The following KIAA1671 variants were observed in gnomAD, a reference collection of about 807,000 sequenced individuals.
KIAA1671 encodes KIAA1671.
In KIAA1671, 52 loss-of-function variants were observed where a neutral mutation model predicts 131.2. The observed-to-expected ratio is 0.40, with a 90% CI of 0.32 to 0.50. The LOEUF is 0.50. Ranked by LOEUF, KIAA1671 falls within the 20% of genes least tolerant of loss-of-function variation. KIAA1671 has a pLI of 0.73. For missense variants in KIAA1671, 2,360 were observed against 2,364.2 expected, an observed-to-expected ratio of 1.00 and a Z score of 0.04; for synonymous variants, 1,003 against 961.6, an observed-to-expected ratio of 1.04 and a Z score of -0.80.
chr22:25,165,862 G>A (rs1218735727), intron 6 of KIAA1671, among the ~76,000 whole-genome samples: 2 of 152,096 alleles, frequency 1.3e-5, no homozygotes, highest in Non-Finnish European at 2.9e-5. Flanking sequence ...TGGGGCTGGA[G>A]GAGCCAGTGG....
intron 6 of KIAA1671, among the ~76,000 whole-genome samples, chr22:25,115,388 G>A (rs938851219): frequency 2.0e-5 from 3 of 152,190 alleles, no homozygotes; most frequent in African/African-American, 7.2e-5. Flanking sequence ...TTAGGCCTGA[G>A]TCTCAACTCA....
Position 25,040,858 on chromosome 22 carries a change from T to A in KIAA1671, c.3728T>A (p.Val1243Glu). ...GAGAGGCCTGTTCAGCTGGGCGGGG[T>A]GGAGCAGAGAAGGAGGAGCCTGAAG... ...PRERPVQLGG[V>E]EQRRRSLKEM... is the part of the protein sequence containing the mutation. Residue 1243 changes from valine to glutamate, a missense_variant, in exon 5 of 13, where the codon GTG (valine) becomes GAG (glutamate). Coordinates refer to ENST00000358431, the MANE Select transcript of KIAA1671 (RefSeq NM_001145206.2). 5 of 1,546,726 alleles carry A rather than the reference T, an allele frequency of 3.2e-6. No individual in the cohort carries two copies. The highest frequency in any genetic ancestry group is 4.4e-6 in the Non-Finnish European group (5 of 1,144,398).
At position 25,039,519 on chromosome 22, in the gene KIAA1671, A is replaced by C. The variant is rs1602089484; in HGVS notation, c.2389A>C (p.Ser797Arg). The change falls in exon 5 of 13, where the codon AGT becomes CGT. Residue 797 changes from serine (S) to arginine (R), a missense_variant. Around this residue, in one of 3 missense-constraint regions of KIAA1671, gnomAD observed 1,185 missense variants for 1,126.2 expected, o/e 1.05. Transcript: ENST00000358431. ...EGQAGSVQRA[S>R]LIWEARGMPE... is the part of the protein sequence containing the mutation. The stretch of plus-strand genomic sequence containing the variant: ...TCAGGCGGGGTCCGTCCAAAGGGCC[A>C]GTTTGATTTGGGAAGCTCGAGGCAT... 5 of 1,551,828 alleles carry C rather than the reference A, an allele frequency of 3.2e-6. 1 individual carries two copies. In the Admixed American group the frequency reaches 9.8e-5, roughly 30 times the overall value.
intron 1 of KIAA1671, among the ~76,000 whole-genome samples, chr22:24,983,347 G>T (rs943555130): frequency 1.2e-4 from 18 of 152,070 alleles, no homozygotes; most frequent in African/African-American, 4.3e-4. Flanking sequence ...AGTGGCTTCC[G>T]GCAATTGTTG....
intron 1 of KIAA1671, among the ~76,000 whole-genome samples, chr22:24,989,800 T>C (rs993413410): frequency 6.6e-6 from 1 of 151,998 alleles, no homozygotes; most frequent in African/African-American, 2.4e-5. Context: ...GCCGGGAGGG[T>C]GTGCGGGGTG....
rs1924169996 is a variant in KIAA1671 at position 24,996,907 on chromosome 22, C to T, written c.-207-28726C>T. On this transcript the variant is annotated intron_variant, in intron 1 of 12. Coordinates refer to ENST00000358431, the MANE Select transcript of KIAA1671 (RefSeq NM_001145206.2). ...TTTGGGGGAGGGGCAGATCCAACAG[C>T]ATCTCCCATAGGTTGCAGTGCTAGA... Among the ~76,000 whole-genome samples the T allele has an allele frequency of 3.3e-5, 5 of 152,136 alleles. No homozygotes were observed. In the South Asian group the frequency reaches 8.3e-4, roughly 25 times the overall value.
intron 4 of KIAA1671, among the ~76,000 whole-genome samples, chr22:25,036,522 A>G (rs1357349435): frequency 6.6e-6 from 1 of 152,208 alleles, no homozygotes; most frequent in African/African-American, 2.4e-5. Flanking sequence ...ATATATATAA[A>G]TAATACAAAG....
rs141193692 is a variant in KIAA1671 at position 25,066,995 on chromosome 22, G to A, written c.4530+17631G>A. On this transcript the variant is annotated intron_variant, in intron 6 of 12. Transcript: ENST00000358431. Reference sequence around the variant, plus strand: ...GGAAGAGAGGACACTGTTCCACTTCGTCAGCCTCTGACTTCTGATGCAGCC... The same window carrying A: ...GGAAGAGAGGACACTGTTCCACTTCATCAGCCTCTGACTTCTGATGCAGCC... Among the ~76,000 whole-genome samples the A allele has an allele frequency of 4.1e-3, 626 of 152,258 alleles. 3 individuals carry two copies. The highest frequency in any genetic ancestry group is 0.014 in the African/African-American group (591 of 41,530).
intron 1 of KIAA1671, among the ~76,000 whole-genome samples, chr22:24,990,932 T>C (rs1327740343): frequency 1.3e-5 from 2 of 152,080 alleles, no homozygotes; most frequent in African/African-American, 4.8e-5. Flanking sequence ...AGGCTTCTGC[T>C]TGACCACACT....
intron 5 of KIAA1671, 30 bp from the exon 6 acceptor site, chr22:25,049,200 A>G: frequency 6.5e-7 from 1 of 1,543,310 alleles, no homozygotes; most frequent in African/African-American, 1.4e-5. Flanking sequence ...GGCTCCCAGT[A>G]AAGTCCTTTT....
At chr22:24,998,672 C>T (rs1219113328) in intron 1 of KIAA1671, among the ~76,000 whole-genome samples, 2 of 145,084 alleles carry the variant, frequency 1.4e-5, no homozygotes, top group African/African-American at 2.6e-5. Flanking sequence ...GAGCCAAGAT[C>T]GCGCCACTGG....
chr22:25,076,407 G>A (rs1010187500), intron 6 of KIAA1671, among the ~76,000 whole-genome samples: 5 of 152,162 alleles, frequency 3.3e-5, no homozygotes, highest in African/African-American at 9.7e-5. Context: ...GGCTGCAACA[G>A]GTTTTCTGCA....
In KIAA1671 at chr22:25,029,098, C is replaced by T. The variant is rs1926124202; in HGVS notation, c.1099C>T (p.Pro367Ser). The T allele has an allele frequency of 4.0e-6, 6 of 1,481,970 alleles. No homozygotes were observed. The highest frequency in any genetic ancestry group is 1.4e-5 in the South Asian group (1 of 71,630). 91.8% of individuals were successfully genotyped at this position (1,481,970 alleles called of 1,614,324 possible). ...GCTTTCGAAGCCGGAGATGGGCAGC[C>T]CCAGAGCCCTGGTGGGGGGCTCATC... Reference protein sequence around the residue: ...KMLSKPEMGSPRALVGGSSGV... With the variant: ...KMLSKPEMGSSRALVGGSSGV... The change falls in exon 3 of 13, where the codon CCC (proline) becomes TCC (serine). Residue 367 changes from proline to serine, a missense_variant. Pro to Ser is a moderately conservative substitution (Grantham distance 74). This residue lies in a region of KIAA1671 where 1,185 missense variants were observed against 1,126.2 expected (regional missense o/e 1.05). Transcript: ENST00000358431.
At chr22:25,117,585 C>CCACACA (rs4049524) in intron 6 of KIAA1671, among the ~76,000 whole-genome samples, 9,194 of 123,778 alleles carry the variant, frequency 0.074, 489 homozygotes, top group East Asian at 0.1. Flanking sequence ...TCTCCCCCAA[C>CCACACA]CACACACACA....
chr22:25,039,724 A>AG lies in KIAA1671; in HGVS notation c.2599dup (p.Ala867GlyfsTer30). 1 of 1,505,716 alleles carries AG rather than the reference A, an allele frequency of 6.6e-7. No individual in the cohort carries two copies. Among genetic ancestry groups the AG allele is most frequent in the Non-Finnish European group, 8.9e-7 (1 of 1,121,612 alleles). 93.3% of individuals were successfully genotyped at this position (1,505,716 alleles called of 1,614,324 possible). A position where few individuals can be genotyped will look rare whatever the true frequency, so the allele number is the denominator to read the frequency against. On this transcript the variant is annotated frameshift_variant, in exon 5 of 13. Transcript: ENST00000358431. LOFTEE classifies it high-confidence loss of function. ...TGGGAAAGCCAGCATGAGGGGCCAG[A>AG]GGGGGCCAGAAGCAAGCCAGGAGTG...
At chr22:25,070,567 T>C (rs956298419) in intron 6 of KIAA1671, among the ~76,000 whole-genome samples, 5 of 152,078 alleles carry the variant, frequency 3.3e-5, no homozygotes, top group African/African-American at 9.7e-5. Flanking sequence ...GAAGAGAGAA[T>C]GTTGGGGAAA....
chr22:25,157,685 CT>C (rs1352777977), intron 6 of KIAA1671, among the ~76,000 whole-genome samples: 2 of 152,114 alleles, frequency 1.3e-5, no homozygotes, highest in Non-Finnish European at 2.9e-5. Flanking sequence ...TGCCCCTCCC[CT>C]CTCCCCTGAT....
intron 6 of KIAA1671, among the ~76,000 whole-genome samples, chr22:25,141,970 A>G (rs1392024269): frequency 4.6e-5 from 7 of 152,190 alleles, no homozygotes; most frequent in Non-Finnish European, 7.3e-5. Flanking sequence ...TGATAATGCT[A>G]TATAACCTTT....
chr22:25,101,975 G>A (rs968628260), intron 6 of KIAA1671, among the ~76,000 whole-genome samples: 1 of 152,184 alleles, frequency 6.6e-6, no homozygotes. Context: ...ATAAGGAAAC[G>A]GGAGGTGTCT....
Sources: gnomAD v4.1 joint callset for allele counts (sites outside exome capture counted in the v4.1 genomes callset) on GRCh38, gnomAD v4.1.1 for gene constraint, gnomAD v4.1.1 regional missense constraint, MANE v1.5 for transcripts, NCBI Gene and HGNC (gene_info 2026-07-23, HGNC 2026-07-21) for gene names.